CDH6: variants seen among roughly 807,000 people sequenced by gnomAD.
CDH6 encodes cadherin-6.
In CDH6, 31 loss-of-function variants were observed where a neutral mutation model predicts 78.0. The observed-to-expected ratio is 0.40, with a 90% CI of 0.30 to 0.54. CDH6 has a LOEUF of 0.54. Ranked by LOEUF, CDH6 falls within the 20% of genes least tolerant of loss-of-function variation. The pLI, the probability that CDH6 is intolerant of heterozygous loss-of-function variation, is 0.56. For synonymous variants in CDH6, 376 were observed against 368.8 expected (o/e 1.02, Z -0.23); for missense variants, 724 against 975.9 (o/e 0.74, Z 3.44).
chr5:31,322,924 T>C lies in CDH6; in HGVS notation c.1989T>C (p.Gly663=), dbSNP rs1457370637. The change falls in exon 12 of 12, where the codon GGT becomes GGC. Residue 663 remains glycine (G), a synonymous_variant. Coordinates refer to ENST00000265071, the MANE Select transcript of CDH6 (RefSeq NM_004932.4). ...ACATTGTCAGTTACAACGACGAAGG[T>C]GGTGGAGAGGAGGACACCCAGGCTT... ...RDNIVSYNDE[G]GGEEDTQAFD... The C allele has an allele frequency of 6.2e-7, 1 of 1,614,062 alleles. No individual in the cohort carries two copies. Among genetic ancestry groups the C allele is most frequent in the East Asian group, 2.2e-5 (1 of 44,880 alleles).
chr5:31,225,881 C>G (rs1357296304), intron 1 of CDH6, among the ~76,000 whole-genome samples: 1 of 152,146 alleles, frequency 6.6e-6, no homozygotes, highest in Admixed American at 6.5e-5. Flanking sequence ...ATCTGAATAG[C>G]ACAGAGGTTA....
chr5:31,214,052 A>G (rs916451073), intron 1 of CDH6, among the ~76,000 whole-genome samples: 1 of 151,820 alleles, frequency 6.6e-6, no homozygotes, highest in Non-Finnish European at 1.5e-5. Flanking sequence ...GGAACGTCAC[A>G]ACTGGGGAGG....
intron 1 of CDH6, among the ~76,000 whole-genome samples, chr5:31,226,315 C>G (rs1371891768): frequency 6.6e-6 from 1 of 152,064 alleles, no homozygotes; most frequent in African/African-American, 2.4e-5. Context: ...GCTGGGATTA[C>G]AGGCGCCCAC....
chr5:31,318,928 T>C (rs1738401502), intron 11 of CDH6: 1 of 222,952 alleles, frequency 4.5e-6, no homozygotes, highest in East Asian at 6.5e-5. Context: ...CTGCTAACTA[T>C]AACAGAAGCC....
chr5:31,307,886 A>G (rs545938024), intron 7 of CDH6, among the ~76,000 whole-genome samples: 2 of 152,326 alleles, frequency 1.3e-5, no homozygotes, highest in Non-Finnish European at 2.9e-5. Context: ...TTTATGAAAG[A>G]AAGTAGTTAG....
chr5:31,285,086 T>C (rs1005441434), intron 2 of CDH6, among the ~76,000 whole-genome samples: 1 of 152,244 alleles, frequency 6.6e-6, no homozygotes, highest in African/African-American at 2.4e-5. Flanking sequence ...AGGGAAAAGC[T>C]ATAAACAAAA....
intron 7 of CDH6, among the ~76,000 whole-genome samples, chr5:31,307,341 G>A (rs1476262073): frequency 1.3e-5 from 2 of 152,174 alleles, no homozygotes; most frequent in African/African-American, 4.8e-5. Flanking sequence ...TCCCAGTTGA[G>A]CCTTTGTTCA....
chr5:31,238,925 C>G (rs1332652993), intron 1 of CDH6, among the ~76,000 whole-genome samples: 2 of 152,182 alleles, frequency 1.3e-5, no homozygotes, highest in Non-Finnish European at 2.9e-5. Context: ...ATTTACTTCT[C>G]TATATATGTT....
chr5:31,288,798 C>T (rs1023601906), intron 2 of CDH6, among the ~76,000 whole-genome samples: 7 of 152,190 alleles, frequency 4.6e-5, no homozygotes, highest in African/African-American at 1.7e-4. Flanking sequence ...TAAAGAGCAA[C>T]ATTACATTTG....
chr5:31,256,609 T>C (rs895579098), intron 1 of CDH6, among the ~76,000 whole-genome samples: 65 of 152,206 alleles, frequency 4.3e-4, no homozygotes, highest in African/African-American at 1.5e-3. Flanking sequence ...AGGTGATATA[T>C]TGGTCTTCAT....
At chr5:31,194,369 C>T (rs1740103141) in intron 1 of CDH6, among the ~76,000 whole-genome samples, 1 of 152,158 alleles carries the variant, frequency 6.6e-6, no homozygotes, top group Admixed American at 6.5e-5. Flanking sequence ...GTGGTGACTG[C>T]TTGGGCTGAG....
At chr5:31,232,536 C>T (rs764057656) in intron 1 of CDH6, among the ~76,000 whole-genome samples, 1 of 152,146 alleles carries the variant, frequency 6.6e-6, no homozygotes, top group East Asian at 1.9e-4. Flanking sequence ...GCTGCACCCT[C>T]GGTCCAGGAC....
intron 5 of CDH6, among the ~76,000 whole-genome samples, chr5:31,300,027 A>G (rs1737719502): frequency 6.6e-6 from 1 of 152,226 alleles, no homozygotes. Context: ...ACAAAGCTTT[A>G]TAAGGGGAGG....
At chr5:31,265,703 A>G (rs374954732) in intron 1 of CDH6, among the ~76,000 whole-genome samples, 4 of 149,344 alleles carry the variant, frequency 2.7e-5, no homozygotes, top group South Asian at 4.3e-4. Flanking sequence ...TTCAATTACT[A>G]TTATATTCCG....
intron 2 of CDH6, among the ~76,000 whole-genome samples, chr5:31,271,842 G>T (rs1470535311): frequency 6.6e-6 from 1 of 152,094 alleles, no homozygotes; most frequent in African/African-American, 2.4e-5. Flanking sequence ...CAGGTGAATC[G>T]TACGCATGTT....
At chr5:31,267,731 T>C (rs1339795407) in intron 2 of CDH6, 30 bp downstream of exon 2, 1 of 1,528,814 alleles carries the variant, frequency 6.5e-7, no homozygotes. Context: ...TTTGACATTC[T>C]GGGTTTAAAG....
Position 31,237,691 on chromosome 5 carries a change from G to A in CDH6, c.-128-29655G>A, listed in dbSNP as rs546710820. Among the ~76,000 whole-genome samples the A allele has an allele frequency of 2.0e-5, 3 of 152,204 alleles. No individual in the cohort carries two copies. In the South Asian group the frequency reaches 6.2e-4, roughly 32 times the overall value. On this transcript the variant is annotated intron_variant, in intron 1 of 11. Coordinates refer to ENST00000265071, the MANE Select transcript of CDH6 (RefSeq NM_004932.4). Reference sequence around the variant, plus strand: ...ACCATTTTCCCCCCATTATTTCTTTGTGTGTGATACACATGTCACATCCTC... The same window carrying A: ...ACCATTTTCCCCCCATTATTTCTTTATGTGTGATACACATGTCACATCCTC...
At chr5:31,293,817 G>A (rs1244262103) in intron 2 of CDH6, 145 bp from the exon 3 acceptor site, 28 of 508,616 alleles carry the variant, frequency 5.5e-5, no homozygotes, top group Non-Finnish European at 8.2e-5. Flanking sequence ...CCATTAAGAG[G>A]TTACGTAAAT....
Position 31,302,259 on chromosome 5 carries a change from C to T in CDH6, c.960C>T (p.Thr320=), listed in dbSNP as rs148607405. The change falls in exon 6 of 12, where the codon ACC becomes ACT. Residue 320 remains threonine (T), a synonymous_variant. Coordinates refer to ENST00000265071, the MANE Select transcript of CDH6 (RefSeq NM_004932.4). ...GEGLDMFDVI[T]DQETQEGIIT... The stretch of plus-strand genomic sequence containing the variant: ...GGCTGGATATGTTTGATGTCATCAC[C>T]GACCAGGAAACCCAGGAAGGGATTA... 70 of 1,613,572 alleles carry T rather than the reference C, an allele frequency of 4.3e-5. No individual in the cohort carries two copies. The highest frequency in any genetic ancestry group is 2.7e-4 in the African/African-American group (20 of 74,890).
Sources: gnomAD v4.1 joint callset for allele counts (sites outside exome capture counted in the v4.1 genomes callset) on GRCh38, gnomAD v4.1.1 for gene constraint, MANE v1.5 for transcripts, NCBI Gene and HGNC (gene_info 2026-07-23, HGNC 2026-07-21) for gene names.